Variants in PTPRB observed in about 807,000 individuals in gnomAD.
The protein encoded by PTPRB is protein tyrosine phosphatase receptor type B, also known as receptor-type tyrosine-protein phosphatase beta.
A neutral mutation model predicts 238.1 loss-of-function variants in PTPRB; 97 were observed. The ratio of observed to expected loss-of-function variants is 0.41; its 90% confidence interval spans 0.35 to 0.48. The LOEUF (loss-of-function observed/expected upper bound fraction) is 0.48, where lower values mean the gene tolerates loss of function less well. PTPRB is among the 20% of genes least tolerant of loss of function. The pLI is 0.30. For missense variants in PTPRB, 2,292 were observed against 2,681.9 expected, an observed-to-expected ratio of 0.85 and a Z score of 3.21; for synonymous variants, 970 against 995.4, an observed-to-expected ratio of 0.97 and a Z score of 0.48.
rs1029874326 is a variant in PTPRB, at chr12:70,632,377, A to G, written c.451+3294T>C. Among the ~76,000 whole-genome samples the G allele has an allele frequency of 1.3e-5, 2 of 151,214 alleles. 1 individual carries two copies. The highest frequency in any genetic ancestry group is 4.3e-4 in the South Asian group (2 of 4,652). ...ACCACTCATAGGTGGAAATTGAACA[A>G]CGAGAACACTTGGACACAGGGCAGG... On this transcript the variant is annotated intron_variant, in intron 2 of 33. Transcript: ENST00000334414.
At chr12:70,590,533 G>A (rs960117195) in intron 7 of PTPRB, among the ~76,000 whole-genome samples, 5 of 151,268 alleles carry the variant, frequency 3.3e-5, no homozygotes, top group African/African-American at 1.2e-4. Context: ...GTGATCATGA[G>A]GCATTCCTTT....
chr12:70,615,933 A>T (rs1478447651), intron 3 of PTPRB, among the ~76,000 whole-genome samples: 4 of 152,200 alleles, frequency 2.6e-5, no homozygotes, highest in East Asian at 3.8e-4. Flanking sequence ...CAATCTCAAT[A>T]AAGTTATCAA....
intron 2 of PTPRB, 52 bp downstream of exon 2, chr12:70,635,619 A>G: frequency 6.4e-7 from 1 of 1,553,094 alleles, no homozygotes; most frequent in Non-Finnish European, 8.7e-7. Context: ...CAAAACCCCC[A>G]AGATATTTAG....
intron 2 of PTPRB, among the ~76,000 whole-genome samples, chr12:70,623,339 C>T (rs11178334): frequency 0.04 from 6,107 of 152,096 alleles, 178 homozygotes; most frequent in East Asian, 0.091. Context: ...GGCTGAATTG[C>T]CCATATTAAA....
intron 32 of PTPRB, among the ~76,000 whole-genome samples, chr12:70,524,878 T>C (rs921297804): frequency 4.9e-5 from 7 of 142,274 alleles, no homozygotes; most frequent in African/African-American, 1.2e-4. Context: ...TATATGTGTG[T>C]ATATATGTAT....
chr12:70,593,631 A>T (rs943235604), intron 6 of PTPRB, among the ~76,000 whole-genome samples: 6 of 152,088 alleles, frequency 3.9e-5, no homozygotes, highest in African/African-American at 1.4e-4. Flanking sequence ...TATATAGAAC[A>T]TTTTTGGCCA....
At chr12:70,558,451 G>T (rs957972506) in intron 18 of PTPRB, among the ~76,000 whole-genome samples, 3 of 152,112 alleles carry the variant, frequency 2.0e-5, no homozygotes, top group African/African-American at 7.2e-5. Context: ...ATAACTATCT[G>T]ATCTGATCCC....
intron 4 of PTPRB, among the ~76,000 whole-genome samples, chr12:70,604,792 A>T (rs1228474074): frequency 6.6e-6 from 1 of 152,346 alleles, no homozygotes; most frequent in South Asian, 2.1e-4. Flanking sequence ...TAACAGACAG[A>T]CAACAGAAAC....
rs140406142 is a variant in PTPRB at position 70,590,046 on chromosome 12, G to T, written c.1968C>A (p.Leu656=). The change falls in exon 8 of 34, where the codon CTC becomes CTA. Residue 656 remains leucine, a synonymous_variant. Coordinates refer to ENST00000334414, the MANE Select transcript of PTPRB (RefSeq NM_001109754.4). ...ETQYVMDDTG[L]VPGRQYEVEV... is the part of the protein sequence containing the mutation. ...CCACCTCATACTGTCTTCCCGGTAC[G>T]AGCCCCGTGTCATCCATGACATACT... 3 of 1,613,818 alleles carry T rather than the reference G, an allele frequency of 1.9e-6. No individual in the cohort carries two copies. The highest frequency in any genetic ancestry group is 2.2e-5 in the South Asian group (2 of 91,068).
In PTPRB at chr12:70,524,491, A is replaced by C; in HGVS notation, c.6605T>G (p.Val2202Gly). The change falls in exon 33 of 34, where the codon GTG becomes GGG. Residue 2202 changes from valine (V) to glycine (G), a missense_variant. By Grantham distance (109) the Val-to-Gly change is moderately radical (BLOSUM62 -3). Around this residue, in one of 4 missense-constraint regions of PTPRB, gnomAD observed 397 missense variants for 502.0 expected, o/e 0.79. Coordinates refer to ENST00000334414, the MANE Select transcript of PTPRB (RefSeq NM_001109754.4). ...ENPLFPIYEN[V>G]NPEYHRDPVY... is the part of the protein sequence containing the mutation. ...CCCACCTCTGTGATACTCTGGATTC[A>C]CATTTTCATAGATTGGAAACAAGGG... 1 of 1,612,078 alleles carries C rather than the reference A, an allele frequency of 6.2e-7. No homozygotes were observed. Among genetic ancestry groups the C allele is most frequent in the East Asian group, 2.2e-5 (1 of 44,824 alleles).
At chr12:70,588,714 A>C (rs1882188450) in intron 8 of PTPRB, among the ~76,000 whole-genome samples, 1 of 152,174 alleles carries the variant, frequency 6.6e-6, no homozygotes, top group Non-Finnish European at 1.5e-5. Flanking sequence ...GCACTTTGGG[A>C]GGCCAAGGTA....
chr12:70,551,813 T>C (rs564687333), intron 21 of PTPRB, among the ~76,000 whole-genome samples: 1 of 152,172 alleles, frequency 6.6e-6, no homozygotes, highest in Admixed American at 6.5e-5. Context: ...GCTATATACT[T>C]CTGCTTGTAC....
In PTPRB at chr12:70,587,051, A is replaced by G; in HGVS notation, c.2267T>C (p.Ile756Thr). 6.2e-7 allele frequency: 1 copy of G among 1,613,802 alleles called. No individual in the cohort carries two copies. Among genetic ancestry groups the G allele is most frequent in the Non-Finnish European group, 8.5e-7 (1 of 1,179,674 alleles). The change falls in exon 9 of 34, where the codon ATT becomes ACT. Residue 756 changes from isoleucine to threonine, a missense_variant. This residue lies in a region of PTPRB where 1,205 missense variants were observed against 1,287.8 expected (regional missense o/e 0.94). Coordinates refer to ENST00000334414, the MANE Select transcript of PTPRB (RefSeq NM_001109754.4). ...AGAGGAATTTTTTAAGTCTCCACTA[A>G]TACTGGTGACTGTAGCCATGTATTT... ...GRKYMATVTS[I>T]SGDLKNSSSV...
At chr12:70,574,473 A>G (rs1267980461) in intron 11 of PTPRB, among the ~76,000 whole-genome samples, 1 of 152,228 alleles carries the variant, frequency 6.6e-6, no homozygotes, top group Non-Finnish European at 1.5e-5. Context: ...ATGGGCTAAG[A>G]AAGGTCAATG....
intron 15 of PTPRB, among the ~76,000 whole-genome samples, chr12:70,564,852 TAA>T (rs1879048220): frequency 2.2e-5 from 1 of 45,894 alleles, no homozygotes; most frequent in African/African-American, 1.9e-4. Context: ...TAAATAATAA[TAA>T]TAATAATAAT....
chr12:70,635,605 C>A, intron 2 of PTPRB, 66 bp downstream of exon 2: 1 of 1,516,388 alleles, frequency 6.6e-7, no homozygotes, highest in Non-Finnish European at 8.9e-7. Flanking sequence ...AACAAACAAA[C>A]AAACAAAACC....
In PTPRB at chr12:70,637,336, C is replaced by G; in HGVS notation, c.55+5G>C. 1 of 1,604,598 alleles carries G rather than the reference C, an allele frequency of 6.2e-7. No individual in the cohort carries two copies. Among genetic ancestry groups the G allele is most frequent in the Non-Finnish European group, 8.5e-7 (1 of 1,175,458 alleles). On this transcript the variant is annotated splice_donor_5th_base_variant and intron_variant, in intron 1 of 33. Transcript: ENST00000334414. ...GCCTCAGGACACTGAGGCAGACCCA[C>G]TCACCTGAGTTCCTGAAGATCAAGC...
intron 7 of PTPRB, 108 bp from the exon 8 acceptor site, chr12:70,590,341 A>G (rs1882357987): frequency 9.6e-6 from 11 of 1,144,338 alleles, no homozygotes; most frequent in Non-Finnish European, 1.3e-5. Context: ...TCTGCAGTTC[A>G]AAACATTTCT....
chr12:70,522,497 T>TAATA (rs1469493335), intron 33 of PTPRB: 2 of 152,238 alleles, frequency 1.3e-5, no homozygotes, highest in African/African-American at 4.8e-5. Context: ...AATAGATAAC[T>TAATA]AATACAATCC....
Sources: gnomAD v4.1 joint callset for allele counts (sites outside exome capture counted in the v4.1 genomes callset) on GRCh38, gnomAD v4.1.1 for gene constraint, gnomAD v4.1.1 regional missense constraint, MANE v1.5 for transcripts, NCBI Gene and HGNC (gene_info 2026-07-23, HGNC 2026-07-21) for gene names.